TCERG1L: variants seen among roughly 807,000 people sequenced by gnomAD.
TCERG1L encodes transcription elongation regulator 1-like protein.
TCERG1L carries 37 observed loss-of-function variants against 56.3 expected under a neutral mutation model. The observed-to-expected ratio is 0.66, with a 90% CI of 0.51 to 0.87. The LOEUF is 0.87. TCERG1L is among the 40% of genes least tolerant of loss of function. The pLI is 0.00. For missense variants in TCERG1L, 799 were observed against 774.2 expected (o/e 1.03, Z -0.38); for synonymous variants, 324 against 326.3 (o/e 0.99, Z 0.08).
At chr10:131,264,715 G>A (rs2133547438) in intron 3 of TCERG1L, among the ~76,000 whole-genome samples, 1 of 152,330 alleles carries the variant, frequency 6.6e-6, no homozygotes, top group African/African-American at 2.4e-5. Context: ...CTTGGGCAGA[G>A]GTCCTCCAGG....
chr10:131,221,239 G>A (rs541679703), intron 4 of TCERG1L, among the ~76,000 whole-genome samples: 28 of 152,342 alleles, frequency 1.8e-4, no homozygotes, highest in Non-Finnish European at 3.2e-4. Flanking sequence ...CTGCTGCTGC[G>A]GGGTGGGAGG....
chr10:131,110,432 G>C (rs1002448244), intron 9 of TCERG1L, among the ~76,000 whole-genome samples: 1 of 152,160 alleles, frequency 6.6e-6, no homozygotes, highest in Non-Finnish European at 1.5e-5. Flanking sequence ...AGCATTAAGG[G>C]GGCAGCTTCT....
intron 7 of TCERG1L, among the ~76,000 whole-genome samples, chr10:131,141,478 T>C (rs914591695): frequency 1.3e-5 from 2 of 152,288 alleles, no homozygotes; most frequent in East Asian, 1.9e-4. Flanking sequence ...CCACAAGGCA[T>C]AGCGCTCCCT....
At chr10:131,120,694 T>C (rs1052783399) in intron 8 of TCERG1L, among the ~76,000 whole-genome samples, 2 of 152,210 alleles carry the variant, frequency 1.3e-5, no homozygotes, top group Non-Finnish European at 2.9e-5. Context: ...TGGATCAAGA[T>C]CCAAACCTCT....
intron 9 of TCERG1L, among the ~76,000 whole-genome samples, chr10:131,116,045 A>G (rs967031367): frequency 9.2e-5 from 14 of 152,106 alleles, no homozygotes; most frequent in African/African-American, 3.4e-4. Flanking sequence ...ACATCCTCAC[A>G]CGTGGGGCCC....
At chr10:131,188,972 T>G (rs191064511) in intron 4 of TCERG1L, among the ~76,000 whole-genome samples, 1 of 152,226 alleles carries the variant, frequency 6.6e-6, no homozygotes, top group Admixed American at 6.5e-5. Flanking sequence ...GTATATACTT[T>G]CTTTGCACCT....
At chr10:131,144,881 T>C (rs1198916057) in intron 7 of TCERG1L, among the ~76,000 whole-genome samples, 2 of 152,192 alleles carry the variant, frequency 1.3e-5, no homozygotes, top group African/African-American at 4.8e-5. Context: ...GCCCCTGTCG[T>C]CCACCCACAG....
chr10:131,173,276 C>A (rs1174360189), intron 4 of TCERG1L, among the ~76,000 whole-genome samples: 1 of 152,176 alleles, frequency 6.6e-6, no homozygotes, highest in Admixed American at 6.5e-5. Flanking sequence ...AGTAGGCACA[C>A]TGATCTCATT....
At chr10:131,139,852 G>A (rs1001475446) in intron 7 of TCERG1L, among the ~76,000 whole-genome samples, 1 of 151,790 alleles carries the variant, frequency 6.6e-6, no homozygotes, top group Non-Finnish European at 1.5e-5. Flanking sequence ...CTCTGTGTAT[G>A]TGTCTGTGCG....
chr10:131,220,222 A>G (rs1372529017), intron 4 of TCERG1L, among the ~76,000 whole-genome samples: 1 of 152,106 alleles, frequency 6.6e-6, no homozygotes, highest in East Asian at 1.9e-4. Flanking sequence ...TATTGCCCCC[A>G]ACAGCCTGGA....
chr10:131,300,098 T>C (rs1846744032), intron 3 of TCERG1L, among the ~76,000 whole-genome samples: 1 of 152,158 alleles, frequency 6.6e-6, no homozygotes, highest in Non-Finnish European at 1.5e-5. Flanking sequence ...TTCTCAGCTT[T>C]TGTTTGCTTG....
At chr10:131,174,711 T>C (rs1412116403) in intron 4 of TCERG1L, among the ~76,000 whole-genome samples, 2 of 152,234 alleles carry the variant, frequency 1.3e-5, no homozygotes, top group East Asian at 3.9e-4. Flanking sequence ...TTCCACCCAT[T>C]TTTAACATCC....
chr10:131,260,148 C>G lies in TCERG1L; in HGVS notation c.856+111G>C. The G allele has an allele frequency of 1.8e-5, 22 of 1,236,878 alleles. No homozygotes were observed. The highest frequency in any genetic ancestry group is 2.2e-5 in the Non-Finnish European group (22 of 990,518). The allele number at this position is 1,236,878 out of a possible 1,614,324, so 76.6% of individuals were successfully genotyped here. A position where few individuals can be genotyped will look rare whatever the true frequency, so the allele number is the denominator to read the frequency against. Reference sequence around the variant, plus strand: ...AGCCGAATGTTTCCCTCAACCGGAGCCGGGCTTCAGGTCCCACAGCGCCTG... The same window carrying G: ...AGCCGAATGTTTCCCTCAACCGGAGGCGGGCTTCAGGTCCCACAGCGCCTG... On this transcript the variant is annotated intron_variant, in intron 4 of 11. Transcript: ENST00000368642. This position sits in a 1 kb window ranked among gnomAD's most constrained non-coding sequence, Gnocchi z 5.8.
chr10:131,232,337 C>T (rs573169633), intron 4 of TCERG1L, among the ~76,000 whole-genome samples: 7 of 152,336 alleles, frequency 4.6e-5, no homozygotes, highest in Admixed American at 2.0e-4. Flanking sequence ...GAGCAGCTGC[C>T]GTCTCAGCAG....
At chr10:131,119,804 C>T (rs191445902) in intron 8 of TCERG1L, among the ~76,000 whole-genome samples, 60 of 152,334 alleles carry the variant, frequency 3.9e-4, no homozygotes, top group Non-Finnish European at 7.8e-4. Context: ...GCAGCGTCCC[C>T]GAGGACACAC....
chr10:131,305,806 C>A (rs1846813437), intron 3 of TCERG1L, among the ~76,000 whole-genome samples: 1 of 151,150 alleles, frequency 6.6e-6, no homozygotes, highest in Non-Finnish European at 1.5e-5. Context: ...GAATATAAAA[C>A]TTTATAACAA....
At chr10:131,308,483 G>T in intron 2 of TCERG1L, 92 bp from the exon 3 acceptor site, 1 of 1,070,364 alleles carries the variant, frequency 9.3e-7, no homozygotes, top group Non-Finnish European at 1.4e-6. Context: ...GCCTTACGTT[G>T]ATCCAACATT....
chr10:131,259,155 G>T (rs1846207015), intron 4 of TCERG1L, among the ~76,000 whole-genome samples: 1 of 152,138 alleles, frequency 6.6e-6, no homozygotes, highest in Non-Finnish European at 1.5e-5. Context: ...TGTTGAAAAA[G>T]ACCACATTAG....
chr10:131,109,158 A>ATC lies in TCERG1L; in HGVS notation c.1396-4806_1396-4805dup, dbSNP rs566688841. Reference sequence around the variant, plus strand: ...ACACGCTGTTCCTCTCTCAGCAGAGATCTCTCTCTCTCCTCTTGCCTAACA... The same window carrying ATC: ...ACACGCTGTTCCTCTCTCAGCAGAGATCTCTCTCTCTCTCCTCTTGCCTAACA... On this transcript the variant is annotated intron_variant, in intron 9 of 11. Transcript: ENST00000368642. 1.4e-3 allele frequency among the ~76,000 whole-genome samples: 219 copies of ATC among 151,780 alleles called. 2 individuals carry two copies. Among genetic ancestry groups the ATC allele is most frequent in the African/African-American group, 5.0e-3 (208 of 41,396 alleles).
Sources: allele counts gnomAD v4.1 joint callset (sites outside exome capture counted in the v4.1 genomes callset), GRCh38; gene constraint gnomAD v4.1.1; non-coding constraint Gnocchi (gnomAD v3.1); transcripts MANE v1.5; gene names NCBI Gene and HGNC (gene_info 2026-07-23, HGNC 2026-07-21).